Variants in FCHO2 observed in about 807,000 individuals in gnomAD.
FCHO2 encodes FCH and mu domain containing endocytic adaptor 2.
A neutral mutation model predicts 114.1 loss-of-function variants in FCHO2; 43 were observed. The observed-to-expected ratio is 0.38, with a 90% CI of 0.30 to 0.49. FCHO2 has a LOEUF of 0.49. Among genes scored for constraint, FCHO2 ranks in the 20% least tolerant of loss-of-function variants. The pLI is 0.97. For missense variants in FCHO2, 807 were observed against 950.4 expected, an observed-to-expected ratio of 0.85 and a Z score of 1.98; for synonymous variants, 293 against 315.2, an observed-to-expected ratio of 0.93 and a Z score of 0.75.
chr5:73,004,499 A>G (rs768820734), intron 5 of FCHO2, among the ~76,000 whole-genome samples: 8 of 152,210 alleles, frequency 5.3e-5, no homozygotes, highest in Non-Finnish European at 8.8e-5. Context: ...ACAGCAAAAT[A>G]TCATGATGTG....
At chr5:73,007,121 C>T (rs1754758325) in intron 6 of FCHO2, among the ~76,000 whole-genome samples, 1 of 152,168 alleles carries the variant, frequency 6.6e-6, no homozygotes, top group African/African-American at 2.4e-5. Context: ...TAGCACCTAT[C>T]GTGATCTTAC....
chr5:73,004,607 T>C (rs1443377245), intron 5 of FCHO2, among the ~76,000 whole-genome samples: 1 of 152,068 alleles, frequency 6.6e-6, no homozygotes, highest in Non-Finnish European at 1.5e-5. Context: ...AAGCATTTTG[T>C]ATAACTACAT....
chr5:73,025,766 A>G (rs1451446543), intron 8 of FCHO2, among the ~76,000 whole-genome samples: 4 of 152,188 alleles, frequency 2.6e-5, no homozygotes. Context: ...GCTTCCTAGA[A>G]AAATAACATA....
intron 10 of FCHO2, 58 bp from the exon 11 acceptor site, chr5:73,041,233 A>G: frequency 8.9e-7 from 1 of 1,127,848 alleles, no homozygotes; most frequent in Non-Finnish European, 1.3e-6. Context: ...TACTTTAAAC[A>G]AGCATAATTA....
chr5:72,984,521 A>G (rs57250804), intron 2 of FCHO2, among the ~76,000 whole-genome samples: 1,970 of 152,298 alleles, frequency 0.013, 48 homozygotes, highest in African/African-American at 0.045. Context: ...AACTGTCTTT[A>G]TAGGAAAGTT....
intron 17 of FCHO2, among the ~76,000 whole-genome samples, chr5:73,062,903 A>T (rs1009823092): frequency 4.6e-5 from 7 of 152,040 alleles, no homozygotes; most frequent in Non-Finnish European, 8.8e-5. Flanking sequence ...GTACATCTCT[A>T]AACTTTGAAA....
chr5:72,998,511 C>T (rs921858423), intron 5 of FCHO2, among the ~76,000 whole-genome samples: 2 of 151,748 alleles, frequency 1.3e-5, no homozygotes, highest in Non-Finnish European at 2.9e-5. Context: ...AAATGTAAGT[C>T]ACAGGAGCAG....
intron 1 of FCHO2, among the ~76,000 whole-genome samples, chr5:72,962,070 A>G (rs962496788): frequency 1.3e-5 from 2 of 152,226 alleles, no homozygotes; most frequent in Non-Finnish European, 2.9e-5. Flanking sequence ...AGAAGACTTG[A>G]CAGTAGACAT....
chr5:72,965,687 T>C (rs538010614), intron 1 of FCHO2, among the ~76,000 whole-genome samples: 1 of 152,306 alleles, frequency 6.6e-6, no homozygotes, highest in East Asian at 1.9e-4. Context: ...GGGGCTGTTC[T>C]TCAAAGAAAA....
intron 11 of FCHO2, 22 bp from the exon 12 acceptor site, chr5:73,051,326 AT>A (rs566145395): frequency 1.5e-4 from 224 of 1,457,634 alleles, no homozygotes; most frequent in East Asian, 8.1e-4. Flanking sequence ...TGTCATTATA[AT>A]TTTTTTTTCT....
At chr5:73,027,062 G>A (rs1755979382) in intron 8 of FCHO2, among the ~76,000 whole-genome samples, 1 of 145,610 alleles carries the variant, frequency 6.9e-6, no homozygotes, top group African/African-American at 2.6e-5. Context: ...TGGTTCCTCT[G>A]GAATTTGAGT....
Position 73,058,461 on chromosome 5 carries a change from G to T in FCHO2, c.1282G>T (p.Asp428Tyr). 4 of 1,572,442 alleles carry T rather than the reference G, an allele frequency of 2.5e-6. No homozygotes were observed. The highest frequency in any genetic ancestry group is 3.5e-6 in the Non-Finnish European group (4 of 1,157,518). The change falls in exon 17 of 26, where the codon GAC becomes TAC. Residue 428 changes from aspartate to tyrosine, a missense_variant. Asp to Tyr is a radical substitution (Grantham distance 160). Transcript: ENST00000430046. ...AGGAACCAGTGATTTACTTGCTTGG[G>T]ACCCCCTATTTGGACCATCTCTTGA... is the stretch of plus-strand genomic sequence containing the variant. ...EKGTSDLLAW[D>Y]PLFGPSLDSS...
At chr5:73,049,636 G>T (rs1174370134) in intron 11 of FCHO2, among the ~76,000 whole-genome samples, 2 of 152,062 alleles carry the variant, frequency 1.3e-5, no homozygotes, top group Non-Finnish European at 1.5e-5. Flanking sequence ...TTGACTTTGT[G>T]TATGTTATTT....
At chr5:73,004,047 CAAAAAAAAAAA>C (rs34849736) in intron 5 of FCHO2, among the ~76,000 whole-genome samples, 4 of 26,492 alleles carry the variant, frequency 1.5e-4, no homozygotes, top group Admixed American at 4.7e-4. Context: ...GACTCCATCT[CAAAAAAAAAAA>C]AAAAAAAAAA....
At chr5:72,967,143 A>G (rs1198556001) in intron 1 of FCHO2, among the ~76,000 whole-genome samples, 1 of 152,136 alleles carries the variant, frequency 6.6e-6, no homozygotes. Context: ...AAAATTAGCC[A>G]GATGTGGTGG....
At chr5:72,960,668 A>G (rs1185460831) in intron 1 of FCHO2, among the ~76,000 whole-genome samples, 2 of 152,194 alleles carry the variant, frequency 1.3e-5, no homozygotes, top group Non-Finnish European at 2.9e-5. Context: ...TTATAACAAC[A>G]TTGCTATGTA....
intron 1 of FCHO2, among the ~76,000 whole-genome samples, chr5:72,961,243 A>T (rs1751844221): frequency 6.6e-6 from 1 of 152,158 alleles, no homozygotes; most frequent in Non-Finnish European, 1.5e-5. Context: ...ATCTAAACTT[A>T]GTATCCTAGA....
chr5:72,997,648 G>A, intron 5 of FCHO2: 1 of 1,495,752 alleles, frequency 6.7e-7, no homozygotes, highest in Admixed American at 1.7e-5. Context: ...TCTGGTGACA[G>A]CTGCTCCCCC....
intron 7 of FCHO2, among the ~76,000 whole-genome samples, chr5:73,016,367 T>A (rs1755311291): frequency 7.0e-6 from 1 of 143,812 alleles, no homozygotes; most frequent in South Asian, 2.2e-4. Context: ...GATTTTAAAT[T>A]GTTTAAATAT....
Sources: allele counts gnomAD v4.1 joint callset (sites outside exome capture counted in the v4.1 genomes callset), GRCh38; gene constraint gnomAD v4.1.1; transcripts MANE v1.5; gene names NCBI Gene and HGNC (gene_info 2026-07-23, HGNC 2026-07-21).